Variants in RGS14 observed in about 807,000 individuals in gnomAD.
RGS14 encodes the protein regulator of G-protein signaling 14.
RGS14 carries 33 observed loss-of-function variants against 63.8 expected under a neutral mutation model. That is an observed-to-expected ratio of 0.52 (90% CI 0.39 to 0.69). The LOEUF (loss-of-function observed/expected upper bound fraction) is 0.69, where lower values mean the gene tolerates loss of function less well. Among genes scored for constraint, RGS14 ranks in the 30% least tolerant of loss-of-function variants. The pLI, the probability that RGS14 is intolerant of heterozygous loss-of-function variation, is 0.00. For synonymous variants in RGS14, 296 were observed against 320.9 expected (o/e 0.92, Z 0.83); for missense variants, 739 against 742.9 (o/e 0.99, Z 0.06).
At chr5:177,362,371 C>A (rs1468378188) in intron 1 of RGS14, among the ~76,000 whole-genome samples, 2 of 152,116 alleles carry the variant, frequency 1.3e-5, no homozygotes, top group Non-Finnish European at 2.9e-5. Context: ...CTTGGGAGCA[C>A]GAGGCAAAGA....
intron 3 of RGS14, 117 bp from the exon 4 acceptor site, chr5:177,366,587 GCCCT>G: frequency 1.1e-6 from 1 of 913,586 alleles, no homozygotes; most frequent in Non-Finnish European, 1.7e-6. Flanking sequence ...TGTCTGTCTG[GCCCT>G]GTCTGTCTGG....
Position 177,366,967 on chromosome 5 carries a change from A to G in RGS14, c.416A>G (p.Gln139Arg). 6.2e-7 allele frequency: 1 copy of G among 1,613,884 alleles called. No homozygotes were observed. Among genetic ancestry groups the G allele is most frequent in the Non-Finnish European group, 8.5e-7 (1 of 1,180,004 alleles). The change falls in exon 5 of 15, where the codon CAG (glutamine) becomes CGG (arginine). Residue 139 changes from glutamine (Q) to arginine (R), a missense_variant. Gln to Arg is a conservative substitution (Grantham distance 43). Transcript: ENST00000408923. Reference protein sequence around the residue: ...QALSPVNIDRQAWLGEEVLAE... With the variant: ...QALSPVNIDRRAWLGEEVLAE... ...CTGAGCCCAGTGAACATCGACCGTC[A>G]GGCCTGGCTTGGCGAGGAGGTGCTG... is the stretch of plus-strand genomic sequence containing the variant.
rs1762035809 is a variant in RGS14 at position 177,364,031 on chromosome 5, C to A, written c.46-1932C>A. Reference sequence around the variant, plus strand: ...AATACCTTTAAATAAAAATAATAATCATCATAATAAAACCTGAGAGGGCCA... The same window carrying A: ...AATACCTTTAAATAAAAATAATAATAATCATAATAAAACCTGAGAGGGCCA... On this transcript the variant is annotated intron_variant, in intron 1 of 14. Coordinates refer to ENST00000408923, the MANE Select transcript of RGS14 (RefSeq NM_006480.5). The surrounding 1 kb of genome is among the most constrained non-coding windows in gnomAD (Gnocchi z 4.6). Among the ~76,000 whole-genome samples the A allele has an allele frequency of 1.3e-5, 2 of 152,252 alleles. No homozygotes were observed. The highest frequency in any genetic ancestry group is 4.8e-5 in the African/African-American group (2 of 41,528).
rs1400480859 is a variant in RGS14, at chr5:177,370,602, G to A, written c.1065G>A (p.Leu355=). The part of the protein sequence containing the change: ...YLVGNEQALV[L]DQDCTVLADQ... ...GGCATCCACAGAAGGCCCTGGTCCT[G>A]GATCAGGACTGCACCGTGCTGGCGG... is the stretch of plus-strand genomic sequence containing the variant. Residue 355 remains leucine (L), a synonymous_variant, in exon 10 of 15, where the codon CTG becomes CTA. Transcript: ENST00000408923. The A allele has an allele frequency of 1.9e-6, 3 of 1,614,080 alleles. No homozygotes were observed. In the South Asian group the frequency reaches 3.3e-5, roughly 18 times the overall value.
Position 177,372,005 on chromosome 5 carries a change from C to T in RGS14, c.1631C>T (p.Pro544Leu). 6.2e-7 allele frequency: 1 copy of T among 1,614,172 alleles called. No homozygotes were observed. Among genetic ancestry groups the T allele is most frequent in the Non-Finnish European group, 8.5e-7 (1 of 1,180,022 alleles). ...CAAGGGCCCAGCTCCGAGGAGACCCCACCACAGACCAAATCAGCAGCCCAG... is the reference window on the plus strand; with the variant it reads ...CAAGGGCCCAGCTCCGAGGAGACCCTACCACAGACCAAATCAGCAGCCCAG... ...PAQGPSSEET[P>L]PQTKSAAQPI... The change falls in exon 15 of 15, where the codon CCA (proline) becomes CTA (leucine). Residue 544 changes from proline (P) to leucine (L), a missense_variant. By Grantham distance (98) the Pro-to-Leu change is moderately conservative. Coordinates refer to ENST00000408923, the MANE Select transcript of RGS14 (RefSeq NM_006480.5).
In RGS14 at chr5:177,358,477, A is replaced by G. The variant is rs1225409489; in HGVS notation, c.45+408A>G. 2.0e-5 allele frequency among the ~76,000 whole-genome samples: 3 copies of G among 152,096 alleles called. No individual in the cohort carries two copies. Among genetic ancestry groups the G allele is most frequent in the African/African-American group, 4.8e-5 (2 of 41,414 alleles). Reference sequence around the variant, plus strand: ...CCTCACCCCCTGCTCCAGGTGCCCAAGGTCATGTTAGTGGCAGCTCTTGCT... The same window carrying G: ...CCTCACCCCCTGCTCCAGGTGCCCAGGGTCATGTTAGTGGCAGCTCTTGCT... On this transcript the variant is annotated intron_variant, in intron 1 of 14. Transcript: ENST00000408923. The surrounding 1 kb of genome is among the most constrained non-coding windows in gnomAD (Gnocchi z 4.8).
Position 177,372,159 on chromosome 5 carries a change from C to T in RGS14, c.*84C>T. 7.5e-7 allele frequency: 1 copy of T among 1,332,146 alleles called. No individual in the cohort carries two copies. Among genetic ancestry groups the T allele is most frequent in the Non-Finnish European group, 1.0e-6 (1 of 953,480 alleles). 82.5% of individuals were successfully genotyped at this position (1,332,146 alleles called of 1,614,324 possible). On this transcript the variant is annotated 3_prime_UTR_variant, in exon 15 of 15. Coordinates refer to ENST00000408923, the MANE Select transcript of RGS14 (RefSeq NM_006480.5). ...GTCCGCTCTGCATGCCCTGTCTGTG[C>T]CATGAGTGTCCCTGGCCCCTTCCTG...
Position 177,372,009 on chromosome 5 carries a change from A to G in RGS14, c.1635A>G (p.Pro545=). 2 of 1,614,140 alleles carry G rather than the reference A, an allele frequency of 1.2e-6. No homozygotes were observed. The highest frequency in any genetic ancestry group is 8.5e-7 in the Non-Finnish European group (1 of 1,180,012). The change falls in exon 15 of 15, where the codon CCA becomes CCG. Residue 545 remains proline (P), a synonymous_variant. Coordinates refer to ENST00000408923, the MANE Select transcript of RGS14 (RefSeq NM_006480.5). ...AQGPSSEETP[P]QTKSAAQPIG... Reference sequence around the variant, plus strand: ...GGCCCAGCTCCGAGGAGACCCCACCACAGACCAAATCAGCAGCCCAGCCCA... The same window carrying G: ...GGCCCAGCTCCGAGGAGACCCCACCGCAGACCAAATCAGCAGCCCAGCCCA...
rs377416651 is a variant in RGS14, at chr5:177,365,839, G to C, written c.46-124G>C. The stretch of plus-strand genomic sequence containing the variant: ...GACTGAGGAAAACCCTGACCAAGTA[G>C]AACCTGGCCGGGGATGCCCAGGTGG... On this transcript the variant is annotated intron_variant, in intron 1 of 14. Transcript: ENST00000408923. 1.9e-4 allele frequency: 185 copies of C among 963,048 alleles called. 2 individuals are homozygous for C. The East Asian group carries it at 3.1e-3, about 16-fold the overall frequency. 59.7% of individuals were successfully genotyped at this position (963,048 alleles called of 1,614,324 possible).
chr5:177,368,631 C>A, intron 8 of RGS14, 86 bp from the exon 9 acceptor site: 1 of 1,383,348 alleles, frequency 7.2e-7, no homozygotes, highest in Non-Finnish European at 1.0e-6. Context: ...ATGCTTGAGC[C>A]CCAGCAAGCT....
At chr5:177,362,624 C>T (rs1761992406) in intron 1 of RGS14, among the ~76,000 whole-genome samples, 1 of 152,020 alleles carries the variant, frequency 6.6e-6, no homozygotes, top group Non-Finnish European at 1.5e-5. Context: ...AAGCCGGAAG[C>T]AGGGGTGTGG....
intron 10 of RGS14, 80 bp from the exon 11 acceptor site, chr5:177,370,825 C>A: frequency 6.4e-7 from 1 of 1,569,802 alleles, no homozygotes; most frequent in Non-Finnish European, 8.6e-7. Context: ...GTTCAAGCTC[C>A]ACCCCCTCGC....
intron 10 of RGS14, 39 bp from the exon 11 acceptor site, chr5:177,370,866 C>T: frequency 6.4e-7 from 1 of 1,550,492 alleles, no homozygotes; most frequent in African/African-American, 1.3e-5. Flanking sequence ...GGCGGGGGGC[C>T]GGCCCTCCGG....
In RGS14 at chr5:177,366,237, T is replaced by C; in HGVS notation, c.128T>C (p.Ile43Thr). 2 of 1,593,720 alleles carry C rather than the reference T, an allele frequency of 1.3e-6. No individual in the cohort carries two copies. The highest frequency in any genetic ancestry group is 1.7e-6 in the Non-Finnish European group (2 of 1,171,306). Reference protein sequence around the residue: ...QGEGRGSSLSIHSLPSGPSSP... With the variant: ...QGEGRGSSLSTHSLPSGPSSP... ...GAGGGCCGCGGCAGCTCTCTCAGCA[T>C]CCACAGCCTCCCCAGTGGTCCCAGC... Residue 43 changes from isoleucine (I) to threonine (T), a missense_variant, in exon 3 of 15, where the codon ATC becomes ACC. Transcript: ENST00000408923.
intron 1 of RGS14, among the ~76,000 whole-genome samples, chr5:177,363,997 A>G (rs1204085818): frequency 6.6e-6 from 1 of 152,202 alleles, no homozygotes; most frequent in Non-Finnish European, 1.5e-5. Context: ...TTGCTTTTTA[A>G]ATGTGGAAAA....
chr5:177,369,807 G>A lies in RGS14; in HGVS notation c.1054-784G>A, dbSNP rs148479517. ...GCATTTTGCCCACTCTTCTCAGGCC[G>A]CTAGGGCGGCTGCCAGCAGCCCAGA... On this transcript the variant is annotated intron_variant, in intron 9 of 14. Transcript: ENST00000408923. 3.2e-3 allele frequency among the ~76,000 whole-genome samples: 480 copies of A among 152,342 alleles called. 3 individuals carry two copies. Among genetic ancestry groups the A allele is most frequent in the African/African-American group, 0.01 (435 of 41,576 alleles).
intron 9 of RGS14, 109 bp from the exon 10 acceptor site, chr5:177,370,482 T>C: frequency 1.1e-6 from 1 of 951,972 alleles, no homozygotes; most frequent in South Asian, 1.3e-5. Context: ...TCCCTTCCTC[T>C]AGGAAGCCCA....
Position 177,365,993 on chromosome 5 carries a change from CAG to C in RGS14, c.67+11_67+12del. The C allele has an allele frequency of 1.2e-6, 2 of 1,613,708 alleles. No individual in the cohort carries two copies. Among genetic ancestry groups the C allele is most frequent in the Non-Finnish European group, 1.7e-6 (2 of 1,179,690 alleles). On this transcript the variant is annotated intron_variant, in intron 2 of 14. Transcript: ENST00000408923. Reference sequence around the variant, plus strand: ...GGCTGTGTCAGATGGAGGTAAGTGACAGAATGTGTGGAGAACTGGCTGAGTGG... The same window carrying C: ...GGCTGTGTCAGATGGAGGTAAGTGACAATGTGTGGAGAACTGGCTGAGTGG...
At chr5:177,367,280 T>C (rs1376756621) in intron 5 of RGS14, 134 bp from the exon 6 acceptor site, 2 of 1,293,332 alleles carry the variant, frequency 1.5e-6, no homozygotes, top group Non-Finnish European at 2.1e-6. Context: ...GTATAGGAAC[T>C]GAGGTCGGGG....
Sources: gnomAD v4.1 joint callset for allele counts (sites outside exome capture counted in the v4.1 genomes callset) on GRCh38, gnomAD v4.1.1 for gene constraint, Gnocchi (gnomAD v3.1) non-coding constraint, MANE v1.5 for transcripts, NCBI Gene and HGNC (gene_info 2026-07-23, HGNC 2026-07-21) for gene names.